Variants in SLC22A3 observed in about 807,000 individuals in gnomAD.
The protein encoded by SLC22A3 is EMT organic cation transporter 3.
A neutral mutation model predicts 59.1 loss-of-function variants in SLC22A3; 51 were observed. The ratio of observed to expected loss-of-function variants is 0.86; its 90% CI spans 0.69 to 1.09. The LOEUF is 1.09. Among genes scored for constraint, SLC22A3 ranks in the 50% least tolerant of loss-of-function variants. The probability of loss-of-function intolerance (pLI) is 0.00; values close to 1 mark genes in which losing one functional copy is unlikely to be tolerated. For synonymous variants in SLC22A3, 325 were observed against 292.0 expected (o/e 1.11, Z -1.15); for missense variants, 711 against 726.3 (o/e 0.98, Z 0.24).
chr6:160,357,925 G>T (rs1047111261), intron 1 of SLC22A3, among the ~76,000 whole-genome samples: 1 of 152,150 alleles, frequency 6.6e-6, no homozygotes, highest in Non-Finnish European at 1.5e-5. Flanking sequence ...CACATCTCTT[G>T]TCAGCTCCTA....
In SLC22A3 at chr6:160,348,866, C is replaced by A; in HGVS notation, c.429+18C>A. The A allele has an allele frequency of 6.4e-7, 1 of 1,563,268 alleles. No homozygotes were observed. Among genetic ancestry groups the A allele is most frequent in the South Asian group, 1.2e-5 (1 of 86,098 alleles). ...TCAGCGAGGTAAGGGCGCCCCGGCC[C>A]TTTGGAAGCCGGCGGGAGAGGACGA... On this transcript the variant is annotated intron_variant, in intron 1 of 10. Coordinates refer to ENST00000275300, the MANE Select transcript of SLC22A3 (RefSeq NM_021977.4).
At chr6:160,413,666 A>G (rs1187770710) in intron 5 of SLC22A3, among the ~76,000 whole-genome samples, 1 of 152,236 alleles carries the variant, frequency 6.6e-6, no homozygotes, top group Non-Finnish European at 1.5e-5. Context: ...TTAAAATTCA[A>G]TACAAGTAAT....
chr6:160,425,164 T>C (rs1436926700), intron 5 of SLC22A3, among the ~76,000 whole-genome samples: 1 of 152,194 alleles, frequency 6.6e-6, no homozygotes, highest in Non-Finnish European at 1.5e-5. Flanking sequence ...TGTCTAGAAA[T>C]AGCCAACCTC....
intron 2 of SLC22A3, among the ~76,000 whole-genome samples, chr6:160,400,084 ATTTTTTTTT>A (rs760874011): frequency 2.9e-3 from 277 of 95,438 alleles, no homozygotes; most frequent in African/African-American, 0.01. Flanking sequence ...AGCTTTTGTG[ATTTTTTTTT>A]TTTTTTTTTT....
chr6:160,360,106 C>T (rs1274498255), intron 1 of SLC22A3, among the ~76,000 whole-genome samples: 1 of 152,132 alleles, frequency 6.6e-6, no homozygotes, highest in Non-Finnish European at 1.5e-5. Flanking sequence ...CTTTCATAGA[C>T]ATTTCACTTA....
At chr6:160,435,051 AGAACTTATACACAT>A (rs1788286652) in intron 5 of SLC22A3, among the ~76,000 whole-genome samples, 1 of 152,222 alleles carries the variant, frequency 6.6e-6, no homozygotes, top group Non-Finnish European at 1.5e-5. Context: ...GCAGAGACCT[AGAACTTATACACAT>A]GACCCCTACA....
chr6:160,359,945 C>T (rs1784961109), intron 1 of SLC22A3, among the ~76,000 whole-genome samples: 1 of 152,040 alleles, frequency 6.6e-6, no homozygotes, highest in South Asian at 2.1e-4. Context: ...TACAGCATGA[C>T]CTTTAACTCA....
rs780683655 is a variant in SLC22A3 at position 160,443,790 on chromosome 6, T to C, written c.1510+48T>C. The C allele has an allele frequency of 3.2e-5, 35 of 1,109,506 alleles. No homozygotes were observed. The African/African-American group carries it at 3.7e-4, about 12-fold the overall frequency. The allele number at this position is 1,109,506 out of a possible 1,614,324, so 68.7% of individuals were successfully genotyped here. On this transcript the variant is annotated intron_variant, in intron 9 of 10. Coordinates refer to ENST00000275300, the MANE Select transcript of SLC22A3 (RefSeq NM_021977.4). ...TAAGAGCCTTCATCTACATTCTTTG[T>C]ACTAAAAGAGACCTATAATAATTGT...
chr6:160,391,483 T>G (rs1248192368), intron 1 of SLC22A3, among the ~76,000 whole-genome samples: 1 of 152,174 alleles, frequency 6.6e-6, no homozygotes, highest in Admixed American at 6.5e-5. Flanking sequence ...GACTCATCAT[T>G]CCAGTTCTTC....
intron 1 of SLC22A3, among the ~76,000 whole-genome samples, chr6:160,374,125 G>T (rs1394898604): frequency 6.6e-6 from 1 of 152,246 alleles, no homozygotes; most frequent in Non-Finnish European, 1.5e-5. Context: ...GAAACCCAGG[G>T]TCCTGGTGGT....
intron 1 of SLC22A3, among the ~76,000 whole-genome samples, chr6:160,366,204 A>C (rs1193027189): frequency 6.6e-6 from 1 of 152,200 alleles, no homozygotes. Flanking sequence ...AAAAAGTCCA[A>C]GTCCAAAGTC....
chr6:160,367,740 T>A (rs1785255543), intron 1 of SLC22A3, among the ~76,000 whole-genome samples: 1 of 152,186 alleles, frequency 6.6e-6, no homozygotes, highest in Non-Finnish European at 1.5e-5. Context: ...TCCAGGCACA[T>A]CATGGATGAT....
At position 160,359,239 on chromosome 6, in the gene SLC22A3, A is replaced by C. The variant is rs1784939880; in HGVS notation, c.429+10391A>C. Among the ~76,000 whole-genome samples, 3 of 152,244 alleles carry C rather than the reference A, an allele frequency of 2.0e-5. No individual in the cohort carries two copies. The South Asian group carries it at 6.2e-4, about 31-fold the overall frequency. The stretch of plus-strand genomic sequence containing the variant: ...ATCCAAATCTATGAAATGAAGACAC[A>C]GCAGTTGTGGTGGGGCACTAATTAT... On this transcript the variant is annotated intron_variant, in intron 1 of 10. Transcript: ENST00000275300.
At chr6:160,436,487 C>G (rs1221880000) in intron 5 of SLC22A3, among the ~76,000 whole-genome samples, 1 of 152,186 alleles carries the variant, frequency 6.6e-6, no homozygotes, top group Non-Finnish European at 1.5e-5. Flanking sequence ...CCCTGACTCT[C>G]ATTTCCCCCA....
rs575643867 is a variant in SLC22A3, at chr6:160,371,834, A to G, written c.429+22986A>G. On this transcript the variant is annotated intron_variant, in intron 1 of 10. Coordinates refer to ENST00000275300, the MANE Select transcript of SLC22A3 (RefSeq NM_021977.4). ...CCTATTTCTCCACATCCTCTCCAGC[A>G]TCTGTTGTTTCCTGCCTTTTTAATG... Among the ~76,000 whole-genome samples, 6 of 152,278 alleles carry G rather than the reference A, an allele frequency of 3.9e-5. No individual in the cohort carries two copies. The East Asian group carries it at 9.6e-4, about 24-fold the overall frequency.
chr6:160,403,544 C>G (rs1786877172), intron 2 of SLC22A3, among the ~76,000 whole-genome samples: 1 of 151,886 alleles, frequency 6.6e-6, no homozygotes, highest in Non-Finnish European at 1.5e-5. Context: ...CTAACTTATT[C>G]TGAGACCAGC....
chr6:160,354,425 A>G (rs581556), intron 1 of SLC22A3, among the ~76,000 whole-genome samples: 63,014 of 152,088 alleles, frequency 0.41, 13,530 homozygotes, highest in Non-Finnish European at 0.48. Flanking sequence ...CCCTTAAGCC[A>G]GGTGGGAGTC....
chr6:160,364,577 A>G lies in SLC22A3; in HGVS notation c.429+15729A>G, dbSNP rs188920160. Among the ~76,000 whole-genome samples the G allele has an allele frequency of 1.8e-4, 27 of 152,348 alleles. 1 individual carries two copies. Among genetic ancestry groups the G allele is most frequent in the Non-Finnish European group, 3.2e-4 (22 of 68,032 alleles). On this transcript the variant is annotated intron_variant, in intron 1 of 10. Coordinates refer to ENST00000275300, the MANE Select transcript of SLC22A3 (RefSeq NM_021977.4). The stretch of plus-strand genomic sequence containing the variant: ...GCACCAAATCGTTTCTCAGTAAGGC[A>G]CAGTAAAGGGAGGCTATCAAAACCT...
At chr6:160,450,271 T>C (rs1355676097) in intron 10 of SLC22A3, among the ~76,000 whole-genome samples, 2 of 152,170 alleles carry the variant, frequency 1.3e-5, no homozygotes, top group African/African-American at 4.8e-5. Context: ...GGGTCTTAAT[T>C]ATTAATATTC....
Sources: allele counts gnomAD v4.1 joint callset (sites outside exome capture counted in the v4.1 genomes callset), GRCh38; gene constraint gnomAD v4.1.1; transcripts MANE v1.5; gene names NCBI Gene and HGNC (gene_info 2026-07-23, HGNC 2026-07-21).